Variants in SCLT1 observed in about 807,000 individuals in gnomAD.
SCLT1 encodes sodium channel and clathrin linker 1.
In SCLT1, 78 loss-of-function variants were observed where a neutral mutation model predicts 112.8. The observed-to-expected ratio is 0.69, with a 90% CI of 0.58 to 0.83. The LOEUF (loss-of-function observed/expected upper bound fraction) is 0.83. Among genes scored for constraint, SCLT1 ranks in the 40% least tolerant of loss-of-function variants. The pLI, the probability that SCLT1 is intolerant of heterozygous loss-of-function variation, is 0.00. For synonymous variants in SCLT1, 257 were observed against 254.7 expected (o/e 1.01, Z -0.09); for missense variants, 747 against 770.4 (o/e 0.97, Z 0.36).
rs1748109282 is a variant in SCLT1 at position 129,045,573 on chromosome 4, A to C, written c.103-1522T>G. On this transcript the variant is annotated intron_variant, in intron 2 of 20. Coordinates refer to ENST00000281142, the MANE Select transcript of SCLT1 (RefSeq NM_144643.4). ...ATCCCATAAGTAGTTCAAGAAATTAATTAAATTCACATGTATCAAAATATA... is the reference window on the plus strand; with the variant it reads ...ATCCCATAAGTAGTTCAAGAAATTACTTAAATTCACATGTATCAAAATATA... 2.0e-5 allele frequency among the ~76,000 whole-genome samples: 3 copies of C among 152,182 alleles called. No individual in the cohort carries two copies. In the South Asian group the frequency reaches 6.2e-4, roughly 32 times the overall value.
chr4:129,083,145 C>G (rs1267023557), intron 1 of SCLT1, among the ~76,000 whole-genome samples: 1 of 139,924 alleles, frequency 7.1e-6, no homozygotes, highest in Non-Finnish European at 1.5e-5. Context: ...GAGCCAAGAT[C>G]GCACCACTGC....
intron 17 of SCLT1, among the ~76,000 whole-genome samples, chr4:128,942,528 T>C (rs906353323): frequency 6.6e-6 from 1 of 152,072 alleles, no homozygotes. Flanking sequence ...AAAGGGAATT[T>C]GTTTTAGATG....
intron 10 of SCLT1, among the ~76,000 whole-genome samples, chr4:128,965,832 T>C (rs1319170263): frequency 6.8e-6 from 1 of 146,892 alleles, no homozygotes; most frequent in Non-Finnish European, 1.5e-5. Flanking sequence ...GCCATAACTT[T>C]TTTTTTTTTT....
At chr4:128,921,093 C>T (rs1241652802) in intron 18 of SCLT1, among the ~76,000 whole-genome samples, 1 of 151,976 alleles carries the variant, frequency 6.6e-6, no homozygotes, top group African/African-American at 2.4e-5. Flanking sequence ...TATAGCTAAC[C>T]AGGGAGGGGA....
intron 18 of SCLT1, among the ~76,000 whole-genome samples, chr4:128,919,139 C>A (rs1275555155): frequency 6.6e-6 from 1 of 152,026 alleles, no homozygotes; most frequent in African/African-American, 2.4e-5. Context: ...TTCTCATCTG[C>A]ACATGGCACA....
At chr4:129,049,398 A>G (rs1748529852) in intron 2 of SCLT1, among the ~76,000 whole-genome samples, 2 of 148,522 alleles carry the variant, frequency 1.3e-5, no homozygotes, top group Admixed American at 6.9e-5. Context: ...CAAACACCGC[A>G]TGTTCTCACT....
At chr4:129,045,571 TAATTA>T (rs1012170686) in intron 2 of SCLT1, among the ~76,000 whole-genome samples, 4 of 151,952 alleles carry the variant, frequency 2.6e-5, no homozygotes. Flanking sequence ...TTCAAGAAAT[TAATTA>T]AATTCACATG....
At chr4:129,090,925 AGAGTTGAGAAGTACCAAACAT>A (rs1228627485) in intron 1 of SCLT1, among the ~76,000 whole-genome samples, 5 of 152,218 alleles carry the variant, frequency 3.3e-5, no homozygotes, top group African/African-American at 9.7e-5. Context: ...TGGGGACATG[AGAGTTGAGAAGTACCAAACAT>A]GAGTTGAGAA....
At chr4:129,091,990 T>C (rs1752868629) in intron 1 of SCLT1, among the ~76,000 whole-genome samples, 1 of 152,230 alleles carries the variant, frequency 6.6e-6, no homozygotes, top group Non-Finnish European at 1.5e-5. Context: ...TACCTCTTTC[T>C]CTCAAATCCC....
rs557289840 is a variant in SCLT1, at chr4:129,036,139, A to G, written c.290+2902T>C. Reference sequence around the variant, plus strand: ...TAAAAGTAGGATGTTTCTTAATGACATAATTAGTAGAGTTCACTTTAAAAC... The same window carrying G: ...TAAAAGTAGGATGTTTCTTAATGACGTAATTAGTAGAGTTCACTTTAAAAC... On this transcript the variant is annotated intron_variant, in intron 5 of 20. Transcript: ENST00000281142. 3.3e-5 allele frequency among the ~76,000 whole-genome samples: 5 copies of G among 152,182 alleles called. No individual in the cohort carries two copies. In the South Asian group the frequency reaches 8.3e-4, roughly 25 times the overall value.
intron 2 of SCLT1, among the ~76,000 whole-genome samples, chr4:129,062,198 C>T (rs139572290): frequency 1.2e-3 from 177 of 152,024 alleles, no homozygotes; most frequent in African/African-American, 4.1e-3. Flanking sequence ...AATGGAAGCC[C>T]GTCATTTCCT....
rs1184219403 is a variant in SCLT1 at position 128,884,551 on chromosome 4, A to G, written c.2005-12T>C. On this transcript the variant is annotated splice_polypyrimidine_tract_variant and intron_variant, in intron 20 of 20. Coordinates refer to ENST00000281142, the MANE Select transcript of SCLT1 (RefSeq NM_144643.4). ...GTAATCACACTGAGCTGCAATTAAA[A>G]TAAACAATCGGTAAGTAGTTACTTT... is the stretch of plus-strand genomic sequence containing the variant. The G allele has an allele frequency of 6.4e-7, 1 of 1,572,690 alleles. No homozygotes were observed. The highest frequency in any genetic ancestry group is 8.7e-7 in the Non-Finnish European group (1 of 1,144,264).
chr4:129,074,678 T>G (rs1751309993), intron 2 of SCLT1, among the ~76,000 whole-genome samples: 1 of 152,198 alleles, frequency 6.6e-6, no homozygotes. Context: ...CTTAAATAAC[T>G]GATATTGTGT....
At chr4:128,891,274 C>T in intron 18 of SCLT1, 137 bp from the exon 19 acceptor site, 1 of 636,486 alleles carries the variant, frequency 1.6e-6, no homozygotes, top group Non-Finnish European at 2.7e-6. Context: ...ACTAATAGAC[C>T]ATATCTCAAG....
At chr4:128,967,046 T>A (rs1252809082) in intron 10 of SCLT1, among the ~76,000 whole-genome samples, 1 of 152,086 alleles carries the variant, frequency 6.6e-6, no homozygotes, top group African/African-American at 2.4e-5. Context: ...GTGTATATCG[T>A]TCCCTTTAGC....
intron 5 of SCLT1, among the ~76,000 whole-genome samples, chr4:129,005,852 T>C (rs1046510060): frequency 1.3e-5 from 2 of 151,280 alleles, no homozygotes; most frequent in Admixed American, 6.6e-5. Context: ...AATGATGAGT[T>C]CATGTCCTTT....
chr4:128,965,648 C>T (rs1354058236), intron 10 of SCLT1, among the ~76,000 whole-genome samples: 2 of 152,080 alleles, frequency 1.3e-5, no homozygotes, highest in African/African-American at 4.8e-5. Context: ...AGAATATGCT[C>T]TCTTAACTAT....
chr4:128,909,071 T>C (rs575877219), intron 18 of SCLT1, among the ~76,000 whole-genome samples: 33 of 152,342 alleles, frequency 2.2e-4, no homozygotes, highest in African/African-American at 7.9e-4. Flanking sequence ...ACATACTGAT[T>C]GTATTACTGC....
intron 9 of SCLT1, among the ~76,000 whole-genome samples, chr4:128,977,147 T>G (rs1741247972): frequency 6.6e-6 from 1 of 152,276 alleles, no homozygotes; most frequent in East Asian, 1.9e-4. Context: ...AGAGAGATGG[T>G]GTAGATTTTA....
Sources: gnomAD v4.1 joint callset for allele counts (sites outside exome capture counted in the v4.1 genomes callset) on GRCh38, gnomAD v4.1.1 for gene constraint, MANE v1.5 for transcripts, NCBI Gene and HGNC (gene_info 2026-07-23, HGNC 2026-07-21) for gene names.